The following NSUN6 variants were observed in gnomAD, a reference collection of about 807,000 sequenced individuals.
NSUN6 encodes tRNA (cytosine(72)-C(5))-methyltransferase NSUN6.
In NSUN6, 64 loss-of-function variants were observed where a neutral mutation model predicts 58.0. The ratio of observed to expected loss-of-function variants is 1.10; its 90% confidence interval spans 0.90 to 1.36. The LOEUF is 1.36. Among genes scored for constraint, NSUN6 ranks in the 40% most tolerant of loss-of-function variants. The pLI, the probability that NSUN6 is intolerant of heterozygous loss-of-function variation, is 0.00. For synonymous variants in NSUN6, 231 were observed against 193.9 expected (o/e 1.19, Z -1.59); for missense variants, 701 against 550.1 (o/e 1.27, Z -2.74).
intron 8 of NSUN6, among the ~76,000 whole-genome samples, chr10:18,573,035 C>T (rs1358292071): frequency 5.9e-5 from 9 of 151,424 alleles, no homozygotes; most frequent in Admixed American, 5.9e-4. Flanking sequence ...ATTCTTCATT[C>T]CATTCCATTC....
intron 8 of NSUN6, among the ~76,000 whole-genome samples, chr10:18,582,181 T>A (rs2056934127): frequency 6.6e-6 from 1 of 152,154 alleles, no homozygotes; most frequent in Admixed American, 6.5e-5. Flanking sequence ...CAGTTTCATG[T>A]TTTTTCTGTC....
At chr10:18,651,104 CAACT>C in intron 1 of NSUN6, 21 bp downstream of exon 1, 1 of 1,570,488 alleles carries the variant, frequency 6.4e-7, no homozygotes, top group Non-Finnish European at 8.6e-7. Context: ...TGCAAAATAT[CAACT>C]AACATCTTTA....
At chr10:18,610,138 G>A (rs943296190) in intron 5 of NSUN6, among the ~76,000 whole-genome samples, 2 of 152,016 alleles carry the variant, frequency 1.3e-5, no homozygotes, top group African/African-American at 4.8e-5. Context: ...CGACCAACAT[G>A]GAGAAACCCT....
chr10:18,630,476 T>G (rs976750071), intron 3 of NSUN6, among the ~76,000 whole-genome samples: 2 of 152,088 alleles, frequency 1.3e-5, no homozygotes, highest in Non-Finnish European at 2.9e-5. Flanking sequence ...GCTGGTTTTT[T>G]GAAAGGATCA....
At chr10:18,564,273 C>G (rs1258477894) in intron 8 of NSUN6, among the ~76,000 whole-genome samples, 2 of 151,444 alleles carry the variant, frequency 1.3e-5, no homozygotes, top group African/African-American at 4.8e-5. Context: ...ATTCTCCACT[C>G]CACTGCATTC....
rs1229347412 is a variant in NSUN6, at chr10:18,566,554, CTCCAT to C, written c.923-14588_923-14584del. Among the ~76,000 whole-genome samples the C allele has an allele frequency of 8.8e-5, 12 of 135,898 alleles. No individual in the cohort carries two copies. In the South Asian group the frequency reaches 1.5e-3, roughly 17 times the overall value. 89.2% of individuals were successfully genotyped at this position (135,898 alleles called of 152,430 possible). On this transcript the variant is annotated intron_variant, in intron 8 of 10. Transcript: ENST00000377304. ...ACATTCCTGTCCAATCCATTCCATTCTCCATTCCATTCCATTCTATTGCATTCTAC... is the reference window on the plus strand; with the variant it reads ...ACATTCCTGTCCAATCCATTCCATTCTCCATTCCATTCTATTGCATTCTAC...
At chr10:18,604,754 C>T (rs573853951) in intron 6 of NSUN6, among the ~76,000 whole-genome samples, 50 of 151,924 alleles carry the variant, frequency 3.3e-4, no homozygotes, top group Admixed American at 7.2e-4. Context: ...GGTGTAGTGA[C>T]GCATGCCTGT....
chr10:18,656,569 A>G (rs2059779784), upstream of NSUN6, among the ~76,000 whole-genome samples: 1 of 152,210 alleles, frequency 6.6e-6, no homozygotes, highest in Non-Finnish European at 1.5e-5. Context: ...TCAGAGTTGT[A>G]TAAGTAATAA....
intron 7 of NSUN6, among the ~76,000 whole-genome samples, chr10:18,594,822 T>A (rs968593600): frequency 1.3e-5 from 2 of 152,208 alleles, no homozygotes; most frequent in Non-Finnish European, 2.9e-5. Flanking sequence ...AATCCTGCAA[T>A]ATCCAATATG....
intron 3 of NSUN6, among the ~76,000 whole-genome samples, chr10:18,626,242 A>G (rs1381361738): frequency 2.6e-5 from 4 of 152,034 alleles, no homozygotes; most frequent in African/African-American, 4.8e-5. Flanking sequence ...TTTAAAAAAA[A>G]AAAAACAGAA....
chr10:18,641,368 C>A (rs935422110), intron 3 of NSUN6, among the ~76,000 whole-genome samples: 1 of 150,540 alleles, frequency 6.6e-6, no homozygotes, highest in Admixed American at 6.6e-5. Context: ...ACTTATTTTT[C>A]CTTTTTTTTT....
chr10:18,614,697 T>G, intron 4 of NSUN6, 84 bp from the exon 5 acceptor site: 1 of 570,116 alleles, frequency 1.8e-6, no homozygotes, highest in Non-Finnish European at 2.7e-6. Context: ...ATCGGTGATC[T>G]CTAGAGGCAT....
intron 5 of NSUN6, among the ~76,000 whole-genome samples, chr10:18,611,405 GTACTCTATCTAA>G (rs1247016651): frequency 1.9e-4 from 28 of 149,162 alleles, no homozygotes; most frequent in Admixed American, 9.3e-4. Context: ...TAGATGGTGT[GTACTCTATCTAA>G]TGTTGGCAGG....
intron 8 of NSUN6, among the ~76,000 whole-genome samples, chr10:18,574,736 G>A (rs2056564738): frequency 6.6e-6 from 1 of 152,110 alleles, no homozygotes; most frequent in Non-Finnish European, 1.5e-5. Context: ...CTCTGGAGTG[G>A]CTCATACATT....
chr10:18,567,975 C>CCCATT (rs927251584), intron 8 of NSUN6, among the ~76,000 whole-genome samples: 1 of 149,672 alleles, frequency 6.7e-6, no homozygotes, highest in Non-Finnish European at 1.5e-5. Flanking sequence ...CATTCCATTC[C>CCCATT]CCATTCCATT....
intron 6 of NSUN6, among the ~76,000 whole-genome samples, chr10:18,602,062 G>C (rs1001860327): frequency 4.6e-5 from 7 of 151,634 alleles, no homozygotes; most frequent in Non-Finnish European, 8.8e-5. Flanking sequence ...GGTAATGGTG[G>C]GGTTGTTTTG....
intron 10 of NSUN6, among the ~76,000 whole-genome samples, chr10:18,547,615 G>C (rs1469147143): frequency 6.6e-6 from 1 of 152,118 alleles, no homozygotes; most frequent in Non-Finnish European, 1.5e-5. Context: ...TTAGGTAAAA[G>C]AAAGTATAGC....
At chr10:18,554,499 G>A (rs1479352535) in intron 8 of NSUN6, among the ~76,000 whole-genome samples, 3 of 151,360 alleles carry the variant, frequency 2.0e-5, no homozygotes, top group African/African-American at 7.3e-5. Flanking sequence ...AAGGGAGAAT[G>A]GAATGGAATC....
intron 8 of NSUN6, among the ~76,000 whole-genome samples, chr10:18,583,680 T>C (rs1589953950): frequency 1.3e-5 from 2 of 152,012 alleles, no homozygotes; most frequent in South Asian, 2.1e-4. Context: ...AGAATATCAA[T>C]AGAGGGAAAT....
Sources: allele counts gnomAD v4.1 joint callset (sites outside exome capture counted in the v4.1 genomes callset), GRCh38; gene constraint gnomAD v4.1.1; transcripts MANE v1.5; gene names NCBI Gene and HGNC (gene_info 2026-07-23, HGNC 2026-07-21).